The following GRIP1 variants were observed in gnomAD, a reference collection of about 807,000 sequenced individuals.
GRIP1 encodes the protein glutamate receptor-interacting protein 1.
A neutral mutation model predicts 129.9 loss-of-function variants in GRIP1; 45 were observed. That is an observed-to-expected ratio of 0.35 (90% CI 0.27 to 0.44). GRIP1 has a LOEUF of 0.44. Among genes scored for constraint, GRIP1 ranks in the 20% least tolerant of loss-of-function variants. GRIP1 has a pLI of 1.00. For synonymous variants in GRIP1, 530 were observed against 520.8 expected (o/e 1.02, Z -0.24); for missense variants, 1,196 against 1,396.8 (o/e 0.86, Z 2.29).
chr12:66,497,099 T>A (rs1362140518), intron 7 of GRIP1, among the ~76,000 whole-genome samples: 4 of 152,192 alleles, frequency 2.6e-5, no homozygotes, highest in Non-Finnish European at 4.4e-5. Flanking sequence ...ACTTTTTTGG[T>A]GTGTCAGGTA....
At chr12:66,501,354 G>A (rs1163473486) in intron 7 of GRIP1, among the ~76,000 whole-genome samples, 1 of 152,080 alleles carries the variant, frequency 6.6e-6, no homozygotes, top group Non-Finnish European at 1.5e-5. Flanking sequence ...CGCCTGGTGG[G>A]GAATATTGTA....
intron 4 of GRIP1, 148 bp from the exon 5 acceptor site, chr12:66,530,062 A>G (rs1449541128): frequency 3.1e-6 from 2 of 642,332 alleles, no homozygotes; most frequent in Non-Finnish European, 5.5e-6. Context: ...AAAATGTTTA[A>G]AAAACTGTAA....
At chr12:66,865,707 TC>T (rs1293458446) in intron 1 of GRIP1, among the ~76,000 whole-genome samples, 1 of 152,062 alleles carries the variant, frequency 6.6e-6, no homozygotes, top group Non-Finnish European at 1.5e-5. Context: ...ATCTCTATCT[TC>T]TTGTAATCTT....
chr12:66,764,365 C>T, intron 1 of GRIP1, among the ~76,000 whole-genome samples: 1 of 152,204 alleles, frequency 6.6e-6, no homozygotes, highest in East Asian at 1.9e-4. Context: ...ACGTTCATAT[C>T]AGCCAAGTGC....
At chr12:67,014,296 A>G (rs1010422744) in intron 1 of GRIP1, among the ~76,000 whole-genome samples, 33 of 152,296 alleles carry the variant, frequency 2.2e-4, no homozygotes, top group African/African-American at 7.9e-4. Context: ...GTTCTCTTTC[A>G]CTTCCAAAAG....
At chr12:66,981,130 A>G (rs2042237298) in intron 1 of GRIP1, among the ~76,000 whole-genome samples, 1 of 152,232 alleles carries the variant, frequency 6.6e-6, no homozygotes, top group Non-Finnish European at 1.5e-5. Flanking sequence ...CAATGTCAGC[A>G]AGTCTCTTTC....
chr12:66,699,215 T>C (rs771704044), intron 1 of GRIP1, among the ~76,000 whole-genome samples: 15 of 152,188 alleles, frequency 9.9e-5, no homozygotes, highest in Non-Finnish European at 1.8e-4. Context: ...CAGACATATA[T>C]AGATAATTAA....
intron 1 of GRIP1, among the ~76,000 whole-genome samples, chr12:67,015,040 G>C (rs1425695844): frequency 6.6e-6 from 1 of 152,100 alleles, no homozygotes; most frequent in African/African-American, 2.4e-5. Context: ...ACAGCAGAAA[G>C]AATCTCTACT....
intron 1 of GRIP1, among the ~76,000 whole-genome samples, chr12:67,034,330 T>C (rs374645640): frequency 2.0e-5 from 3 of 152,304 alleles, no homozygotes; most frequent in South Asian, 2.1e-4. Flanking sequence ...ATAGTTTGCA[T>C]GGCTTAACGA....
intron 1 of GRIP1, among the ~76,000 whole-genome samples, chr12:66,745,596 G>A (rs1014516914): frequency 6.6e-6 from 1 of 152,120 alleles, no homozygotes; most frequent in African/African-American, 2.4e-5. Flanking sequence ...ATTATGCAAA[G>A]CACTTCACAG....
At chr12:66,716,552 C>G (rs1001445036) in intron 1 of GRIP1, among the ~76,000 whole-genome samples, 7 of 150,122 alleles carry the variant, frequency 4.7e-5, no homozygotes, top group Admixed American at 1.3e-4. Flanking sequence ...TATTATTATA[C>G]TTTAAGTTTT....
intron 1 of GRIP1, among the ~76,000 whole-genome samples, chr12:66,711,077 A>G (rs557622664): frequency 4.8e-4 from 73 of 152,002 alleles, no homozygotes; most frequent in Middle Eastern, 3.4e-3. Context: ...AATTTACCAG[A>G]GCAATATAGA....
At chr12:66,951,216 T>C (rs1052172893) in intron 1 of GRIP1, among the ~76,000 whole-genome samples, 2 of 152,238 alleles carry the variant, frequency 1.3e-5, no homozygotes, top group Admixed American at 1.3e-4. Flanking sequence ...TAGCAGAATA[T>C]AAAATCTTGT....
chr12:66,617,943 A>G (rs1314784532), intron 1 of GRIP1, among the ~76,000 whole-genome samples: 3 of 152,002 alleles, frequency 2.0e-5, no homozygotes, highest in African/African-American at 7.2e-5. Flanking sequence ...TATAACCTTT[A>G]AAGAGGACAA....
At chr12:66,691,770 T>C (rs1297510450) in intron 1 of GRIP1, among the ~76,000 whole-genome samples, 1 of 152,168 alleles carries the variant, frequency 6.6e-6, no homozygotes. Flanking sequence ...CCATAGATTC[T>C]CTCTCTTAAC....
At chr12:66,423,237 C>T (rs981522343) in intron 14 of GRIP1, among the ~76,000 whole-genome samples, 4 of 152,192 alleles carry the variant, frequency 2.6e-5, no homozygotes, top group Non-Finnish European at 5.9e-5. Flanking sequence ...CCTTAGTTTC[C>T]TCATCTGCAA....
At chr12:66,986,945 A>C (rs1323675028) in intron 1 of GRIP1, among the ~76,000 whole-genome samples, 1 of 152,160 alleles carries the variant, frequency 6.6e-6, no homozygotes, top group Non-Finnish European at 1.5e-5. Flanking sequence ...AAGCTCAGAG[A>C]CATCATATAA....
chr12:66,754,097 C>T (rs890653866), intron 1 of GRIP1, among the ~76,000 whole-genome samples: 3 of 152,104 alleles, frequency 2.0e-5, no homozygotes, highest in Non-Finnish European at 4.4e-5. Context: ...TCTTAGTTGC[C>T]CCTTAGGGGT....
chr12:66,660,586 A>G (rs2033437971), intron 1 of GRIP1, among the ~76,000 whole-genome samples: 1 of 152,164 alleles, frequency 6.6e-6, no homozygotes, highest in South Asian at 2.1e-4. Context: ...AGACTACATA[A>G]TAATTGTACA....
Sources: allele counts gnomAD v4.1 joint callset (sites outside exome capture counted in the v4.1 genomes callset), GRCh38; gene constraint gnomAD v4.1.1; transcripts MANE v1.5; gene names NCBI Gene and HGNC (gene_info 2026-07-23, HGNC 2026-07-21).